The following DLG2 variants were observed in gnomAD, a reference collection of about 807,000 sequenced individuals.
The protein encoded by DLG2 is disks large homolog 2.
In DLG2, 45 loss-of-function variants were observed where a neutral mutation model predicts 132.5. That is an observed-to-expected ratio of 0.34 (90% CI 0.27 to 0.44). DLG2 has a LOEUF of 0.44. Ranked by LOEUF, DLG2 falls within the 20% of genes least tolerant of loss-of-function variation. The probability of loss-of-function intolerance (pLI) is 1.00; values close to 1 mark genes in which losing one functional copy is unlikely to be tolerated. For missense variants in DLG2, 1,045 were observed against 1,196.9 expected (o/e 0.87, Z 1.87); for synonymous variants, 424 against 419.6 (o/e 1.01, Z -0.13).
intron 6 of DLG2, among the ~76,000 whole-genome samples, chr11:84,986,089 C>T (rs2056452198): frequency 6.8e-6 from 1 of 146,164 alleles, no homozygotes; most frequent in South Asian, 2.4e-4. Context: ...GATAAAAATC[C>T]TAATAAGCCC....
intron 19 of DLG2, among the ~76,000 whole-genome samples, chr11:83,577,586 A>C (rs981393268): frequency 3.4e-5 from 4 of 118,872 alleles, no homozygotes; most frequent in Admixed American, 1.9e-4. Context: ...ATATATATAT[A>C]TCCTATTTAT....
intron 6 of DLG2, among the ~76,000 whole-genome samples, chr11:84,715,238 C>T (rs1044348931): frequency 6.6e-5 from 10 of 152,112 alleles, no homozygotes; most frequent in African/African-American, 2.4e-4. Flanking sequence ...GAAAGAGGTG[C>T]TCAAGTTTTA....
Position 83,492,377 on chromosome 11 carries a change from T to C in DLG2, c.2194-8149A>G, listed in dbSNP as rs557567356. Among the ~76,000 whole-genome samples the C allele has an allele frequency of 3.3e-5, 5 of 152,150 alleles. No homozygotes were observed. The South Asian group carries it at 1.0e-3, about 32-fold the overall frequency. On this transcript the variant is annotated intron_variant, in intron 21 of 27. Coordinates refer to ENST00000376104, the MANE Select transcript of DLG2 (RefSeq NM_001142699.3). Reference sequence around the variant, plus strand: ...GCTGGATCCCTCTTCATCTTTCTGGTCTTTAAAAATTGGGGGTATTTGGAC... The same window carrying C: ...GCTGGATCCCTCTTCATCTTTCTGGCCTTTAAAAATTGGGGGTATTTGGAC...
chr11:84,458,501 T>G (rs2099071446), intron 7 of DLG2, among the ~76,000 whole-genome samples: 1 of 150,892 alleles, frequency 6.6e-6, no homozygotes, highest in African/African-American at 2.4e-5. Flanking sequence ...TTATTTATAT[T>G]ATCTTAAATG....
At chr11:83,837,562 T>A (rs1197057190) in intron 16 of DLG2, among the ~76,000 whole-genome samples, 1 of 150,806 alleles carries the variant, frequency 6.6e-6, no homozygotes, top group Non-Finnish European at 1.5e-5. Flanking sequence ...TTGGCTAGAG[T>A]AGGTCAGTAT....
At chr11:83,794,437 G>GTTTTTTTTTTTT (rs200672667) in intron 17 of DLG2, among the ~76,000 whole-genome samples, 1 of 127,498 alleles carries the variant, frequency 7.8e-6, no homozygotes, top group Non-Finnish European at 1.7e-5. Context: ...TTTACTATTG[G>GTTTTTTTTTTTT]TTTTTTTTTT....
At chr11:83,492,626 C>T (rs964928549) in intron 21 of DLG2, among the ~76,000 whole-genome samples, 5 of 152,070 alleles carry the variant, frequency 3.3e-5, no homozygotes, top group African/African-American at 1.2e-4. Flanking sequence ...CTTGGTCCTC[C>T]CTCAGTCTTG....
intron 6 of DLG2, among the ~76,000 whole-genome samples, chr11:84,622,555 A>G (rs2099615811): frequency 6.6e-6 from 1 of 152,184 alleles, no homozygotes; most frequent in South Asian, 2.1e-4. Flanking sequence ...TTGAGAATCA[A>G]TGGGACCAGC....
At chr11:84,053,805 A>G (rs543521072) in intron 11 of DLG2, among the ~76,000 whole-genome samples, 42 of 152,094 alleles carry the variant, frequency 2.8e-4, no homozygotes, top group Middle Eastern at 3.4e-3. Flanking sequence ...GTTCATTGGT[A>G]TAGTAACTTC....
intron 9 of DLG2, among the ~76,000 whole-genome samples, chr11:84,155,375 T>C (rs1221267383): frequency 6.6e-6 from 1 of 152,026 alleles, no homozygotes; most frequent in Non-Finnish European, 1.5e-5. Flanking sequence ...TTCAACGTTT[T>C]ATTTCAAAAG....
At chr11:84,735,070 G>A (rs562531595) in intron 6 of DLG2, among the ~76,000 whole-genome samples, 83 of 152,234 alleles carry the variant, frequency 5.5e-4, no homozygotes, top group Non-Finnish European at 1.0e-3. Context: ...TTGCATCAAT[G>A]TTCATCAGGG....
chr11:83,926,052 T>C (rs2078915768), intron 15 of DLG2, among the ~76,000 whole-genome samples: 1 of 152,148 alleles, frequency 6.6e-6, no homozygotes, highest in Non-Finnish European at 1.5e-5. Context: ...TCTGCAGCCA[T>C]AGGCACTGTG....
At chr11:85,624,359 T>A (rs1404132934) in intron 2 of DLG2, among the ~76,000 whole-genome samples, 1 of 152,148 alleles carries the variant, frequency 6.6e-6, no homozygotes, top group Admixed American at 6.5e-5. Context: ...AAATACCAAA[T>A]GAAAATCCAT....
chr11:85,551,493 ATACT>A (rs1375547701), intron 3 of DLG2, among the ~76,000 whole-genome samples: 2 of 152,156 alleles, frequency 1.3e-5, no homozygotes, highest in Admixed American at 1.3e-4. Flanking sequence ...ATATAAATAC[ATACT>A]AACAAAATTA....
intron 18 of DLG2, among the ~76,000 whole-genome samples, chr11:83,740,604 T>C (rs961523143): frequency 2.6e-5 from 4 of 152,230 alleles, no homozygotes; most frequent in African/African-American, 9.6e-5. Flanking sequence ...ATAAGCTGTA[T>C]ACTTCTGATT....
intron 6 of DLG2, among the ~76,000 whole-genome samples, chr11:85,045,767 G>T (rs1199790213): frequency 6.6e-6 from 1 of 151,980 alleles, no homozygotes; most frequent in African/African-American, 2.4e-5. Flanking sequence ...TGAATAGTCT[G>T]AGTTTTACAG....
At chr11:83,902,270 C>T (rs1039903755) in intron 15 of DLG2, among the ~76,000 whole-genome samples, 15 of 152,266 alleles carry the variant, frequency 9.9e-5, no homozygotes, top group African/African-American at 3.6e-4. Flanking sequence ...CTATTTCTTG[C>T]TGTACTTGAT....
At chr11:85,499,239 C>T (rs936645493) in intron 3 of DLG2, among the ~76,000 whole-genome samples, 28 of 151,612 alleles carry the variant, frequency 1.8e-4, no homozygotes, top group East Asian at 5.8e-4. Flanking sequence ...ATCAAATAGA[C>T]GCAATAAAAA....
In DLG2 at chr11:85,392,316, T is replaced by G. The variant is rs141364293; in HGVS notation, c.41-106951A>C. Among the ~76,000 whole-genome samples the G allele has an allele frequency of 5.9e-5, 9 of 152,070 alleles. No homozygotes were observed. In the East Asian group the frequency reaches 1.7e-3, roughly 29 times the overall value. On this transcript the variant is annotated intron_variant, in intron 3 of 27. Transcript: ENST00000376104. ...CACAAACAAATGGAAACATATCCCA[T>G]GCTTAAGGATGGGTAGAATCAATAT...
Sources: gnomAD v4.1 joint callset for allele counts (sites outside exome capture counted in the v4.1 genomes callset) on GRCh38, gnomAD v4.1.1 for gene constraint, MANE v1.5 for transcripts, NCBI Gene and HGNC (gene_info 2026-07-23, HGNC 2026-07-21) for gene names.